The following BAG3 variants were observed in gnomAD, a reference collection of about 807,000 sequenced individuals.
BAG3 encodes the protein BAG family molecular chaperone regulator 3.
Under a neutral mutation model 40.5 loss-of-function variants are expected in BAG3, and 14 were observed. The observed-to-expected ratio is 0.35, with a 90% CI of 0.23 to 0.54. The LOEUF is 0.54. Among genes scored for constraint, BAG3 ranks in the 20% least tolerant of loss-of-function variants. The pLI is 0.91. For missense variants in BAG3, 788 were observed against 758.6 expected, an observed-to-expected ratio of 1.04 and a Z score of -0.46; for synonymous variants, 302 against 307.8, an observed-to-expected ratio of 0.98 and a Z score of 0.20.
intron 2 of BAG3, among the ~76,000 whole-genome samples, chr10:119,671,775 T>G (rs1312534932): frequency 1.3e-5 from 2 of 151,118 alleles, no homozygotes; most frequent in Non-Finnish European, 3.0e-5. Context: ...GTGTGTGTGT[T>G]TTGTTTTGTT....
Position 119,672,248 on chromosome 10 carries a change from C to G in BAG3, c.508-7C>G, listed in dbSNP as rs867901145. 1.9e-6 allele frequency: 3 copies of G among 1,612,510 alleles called. No homozygotes were observed. Among genetic ancestry groups the G allele is most frequent in the Non-Finnish European group, 2.5e-6 (3 of 1,180,024 alleles). ...GGGTCATGCCCTCTACCCTGTGTCT[C>G]TTGCAGCGGTCCCAGTCTCCAGCTG... On this transcript the variant is annotated splice_region_variant and splice_polypyrimidine_tract_variant and intron_variant, in intron 2 of 3. Coordinates refer to ENST00000369085, the MANE Select transcript of BAG3 (RefSeq NM_004281.4). This position sits in a 1 kb window ranked among gnomAD's most constrained non-coding sequence, Gnocchi z 4.8.
At position 119,651,722 on chromosome 10, in the gene BAG3, A is replaced by G; in HGVS notation, c.47A>G (p.Asn16Ser). The change falls in exon 1 of 4, where the codon AAC becomes AGC. Residue 16 changes from asparagine (N) to serine (S), a missense_variant. Physicochemically the swap from Asn to Ser is conservative, Grantham distance 46. Coordinates refer to ENST00000369085, the MANE Select transcript of BAG3 (RefSeq NM_004281.4). ...HSPMMQVASG[N>S]GDRDPLPPGW... ...CCCATGATGCAGGTGGCGTCCGGCA[A>G]CGGTGACCGCGACCCTTTGCCCCCC... 1 of 1,596,224 alleles carries G rather than the reference A, an allele frequency of 6.3e-7. No individual in the cohort carries two copies. The highest frequency in any genetic ancestry group is 1.4e-5 in the African/African-American group (1 of 73,352).
intron 3 of BAG3, among the ~76,000 whole-genome samples, chr10:119,673,382 T>C (rs1564775087): frequency 6.6e-6 from 1 of 152,224 alleles, no homozygotes; most frequent in Non-Finnish European, 1.5e-5. Flanking sequence ...AGGTACCATG[T>C]GGTCTGGCTG....
At chr10:119,655,288 C>T (rs574774541) in intron 1 of BAG3, among the ~76,000 whole-genome samples, 26 of 152,186 alleles carry the variant, frequency 1.7e-4, no homozygotes, top group African/African-American at 6.3e-4. Context: ...GCTGGCAGTG[C>T]GAGAGTGGGG....
intron 3 of BAG3, among the ~76,000 whole-genome samples, chr10:119,673,851 C>T (rs906575823): frequency 2.6e-5 from 4 of 152,218 alleles, no homozygotes; most frequent in Admixed American, 2.0e-4. Flanking sequence ...TGTGTTTTAA[C>T]TGTTTGAAAA....
At chr10:119,664,102 C>T (rs554935858) in intron 1 of BAG3, among the ~76,000 whole-genome samples, 2 of 152,346 alleles carry the variant, frequency 1.3e-5, no homozygotes, top group East Asian at 3.9e-4. Context: ...AGCTCTCCTG[C>T]TGTTCCCTCA....
intron 1 of BAG3, among the ~76,000 whole-genome samples, chr10:119,659,760 G>A (rs570861199): frequency 1.3e-5 from 2 of 152,362 alleles, no homozygotes; most frequent in Admixed American, 6.5e-5. Context: ...GACTTGCCAG[G>A]TGGCTGACCA....
In BAG3 at chr10:119,672,710, G is replaced by C; in HGVS notation, c.909+54G>C. The C allele has an allele frequency of 6.2e-7, 1 of 1,603,416 alleles. No homozygotes were observed. The highest frequency in any genetic ancestry group is 8.5e-7 in the Non-Finnish European group (1 of 1,179,614). ...GTTATGGTGGTATGTCTCCAGGGGTGCAGGAGCTCTGTGGGTGCCCTGGGT... is the reference window on the plus strand; with the variant it reads ...GTTATGGTGGTATGTCTCCAGGGGTCCAGGAGCTCTGTGGGTGCCCTGGGT... On this transcript the variant is annotated intron_variant, in intron 3 of 3. Coordinates refer to ENST00000369085, the MANE Select transcript of BAG3 (RefSeq NM_004281.4). The surrounding 1 kb of genome is among the most constrained non-coding windows in gnomAD (Gnocchi z 4.8).
At chr10:119,666,032 G>A (rs1847061731) in intron 1 of BAG3, among the ~76,000 whole-genome samples, 1 of 152,194 alleles carries the variant, frequency 6.6e-6, no homozygotes, top group Admixed American at 6.5e-5. Context: ...GGCCTGTTCA[G>A]TGGACCTCAC....
chr10:119,657,219 TCA>T (rs1846925905), intron 1 of BAG3, among the ~76,000 whole-genome samples: 1 of 152,132 alleles, frequency 6.6e-6, no homozygotes, highest in Admixed American at 6.5e-5. Context: ...AGTGTGCGAG[TCA>T]CAGTGTTAAA....
intron 3 of BAG3, among the ~76,000 whole-genome samples, chr10:119,673,910 C>T (rs2134066224): frequency 6.6e-6 from 1 of 152,308 alleles, no homozygotes; most frequent in Admixed American, 6.5e-5. Context: ...AAATATTTTC[C>T]TAAGAGGAAG....
chr10:119,656,957 T>G (rs190571550), intron 1 of BAG3, among the ~76,000 whole-genome samples: 54 of 152,240 alleles, frequency 3.5e-4, no homozygotes, highest in African/African-American at 1.0e-3. Flanking sequence ...TTCTGTGGCT[T>G]TACCCCCATC....
At chr10:119,658,202 TG>T (rs1184990238) in intron 1 of BAG3, among the ~76,000 whole-genome samples, 1 of 152,264 alleles carries the variant, frequency 6.6e-6, no homozygotes, top group Non-Finnish European at 1.5e-5. Context: ...AATGAATGGA[TG>T]GTTTAAAAAT....
chr10:119,665,439 C>T (rs1847051265), intron 1 of BAG3, among the ~76,000 whole-genome samples: 1 of 151,900 alleles, frequency 6.6e-6, no homozygotes, highest in African/African-American at 2.4e-5. Flanking sequence ...CGCGCCCAGC[C>T]TAATTTTTGT....
In BAG3 at chr10:119,670,059, C is replaced by T; in HGVS notation, c.389C>T (p.Ala130Val). 6.2e-7 allele frequency: 1 copy of T among 1,614,230 alleles called. No homozygotes were observed. The highest frequency in any genetic ancestry group is 8.5e-7 in the Non-Finnish European group (1 of 1,180,042). The change falls in exon 2 of 4, where the codon GCT (alanine) becomes GTT (valine). Residue 130 changes from alanine (A) to valine (V), a missense_variant. Physicochemically the swap from Ala to Val is moderately conservative, Grantham distance 64 (BLOSUM62 0). Transcript: ENST00000369085. Reference protein sequence around the residue: ...QRFRTEAAAAAPQRSQSPLRG... With the variant: ...QRFRTEAAAAVPQRSQSPLRG... Reference sequence around the variant, plus strand: ...TTCCGAACTGAGGCGGCAGCAGCGGCTCCTCAGAGGTCCCAGTCACCTCTG... The same window carrying T: ...TTCCGAACTGAGGCGGCAGCAGCGGTTCCTCAGAGGTCCCAGTCACCTCTG...
chr10:119,652,647 G>C (rs576657242), intron 1 of BAG3, among the ~76,000 whole-genome samples: 9 of 152,314 alleles, frequency 5.9e-5, no homozygotes, highest in African/African-American at 1.9e-4. Flanking sequence ...TGGAGAGAAA[G>C]AGAATGATAC....
At position 119,651,380 on chromosome 10, in the gene BAG3, G is replaced by A; in HGVS notation, c.-296G>A. 3.4e-6 allele frequency: 1 copy of A among 297,684 alleles called. No homozygotes were observed. The highest frequency in any genetic ancestry group is 6.1e-6 in the Non-Finnish European group (1 of 162,712). The allele number at this position is 297,684 out of a possible 1,614,324, so 18.4% of individuals were successfully genotyped here. On this transcript the variant is annotated 5_prime_UTR_variant, in exon 1 of 4. Coordinates refer to ENST00000369085, the MANE Select transcript of BAG3 (RefSeq NM_004281.4). Reference sequence around the variant, plus strand: ...AGCCGATGACTCAGGGCGGAGCTCCGCATCCAACCCCGGGCCGCGGCCAAC... The same window carrying A: ...AGCCGATGACTCAGGGCGGAGCTCCACATCCAACCCCGGGCCGCGGCCAAC...
chr10:119,663,435 T>C (rs1026891789), intron 1 of BAG3, among the ~76,000 whole-genome samples: 8 of 152,100 alleles, frequency 5.3e-5, no homozygotes, highest in African/African-American at 1.9e-4. Context: ...CCTAAGCAGC[T>C]GGGATTATGA....
chr10:119,673,967 T>C (rs1847185644), intron 3 of BAG3, among the ~76,000 whole-genome samples: 1 of 152,248 alleles, frequency 6.6e-6, no homozygotes, highest in African/African-American at 2.4e-5. Context: ...TCAGGAAATT[T>C]CACATTCTTA....
Sources: allele counts gnomAD v4.1 joint callset (sites outside exome capture counted in the v4.1 genomes callset), GRCh38; gene constraint gnomAD v4.1.1; non-coding constraint Gnocchi (gnomAD v3.1); transcripts MANE v1.5; gene names NCBI Gene and HGNC (gene_info 2026-07-23, HGNC 2026-07-21).